Variants in TNR observed in about 807,000 individuals in gnomAD.
TNR encodes tenascin-R.
Under a neutral mutation model 150.4 loss-of-function variants are expected in TNR, and 45 were observed. The ratio of observed to expected loss-of-function variants is 0.30; its 90% CI spans 0.24 to 0.38. The LOEUF (loss-of-function observed/expected upper bound fraction) is 0.38. Among genes scored for constraint, TNR ranks in the 10% least tolerant of loss-of-function variants. The pLI is 1.00. For synonymous variants in TNR, 687 were observed against 678.4 expected (o/e 1.01, Z -0.20); for missense variants, 1,544 against 1,759.1 (o/e 0.88, Z 2.19).
At chr1:175,340,545 C>T (rs1650471508) in intron 18 of TNR, among the ~76,000 whole-genome samples, 1 of 152,228 alleles carries the variant, frequency 6.6e-6, no homozygotes, top group Non-Finnish European at 1.5e-5. Flanking sequence ...CAAGAGAAGG[C>T]AGAGGCTCAC....
Position 175,330,009 on chromosome 1 carries a change from C to T in TNR, c.3793+65G>A, listed in dbSNP as rs897146353. On this transcript the variant is annotated intron_variant, in intron 21 of 22. Coordinates refer to ENST00000367674, the MANE Select transcript of TNR (RefSeq NM_003285.3). ...TGCTGCTTCCTGAGGCAGCTTACGC[C>T]TAGAATCTGGGGGCTCTTGTCCCAT... 15 of 1,413,882 alleles carry T rather than the reference C, an allele frequency of 1.1e-5. No individual in the cohort carries two copies. The East Asian group carries it at 3.4e-4, about 32-fold the overall frequency. The allele number at this position is 1,413,882 out of a possible 1,614,324, so 87.6% of individuals were successfully genotyped here. A position where few individuals can be genotyped will look rare whatever the true frequency, so the allele number is the denominator to read the frequency against.
At position 175,315,730 on chromosome 1, in the gene TNR, G is replaced by A. The variant is rs1648815521; in HGVS notation, c.*7627C>T. ...TACTTGGGCATCCCCATGGGCCTGG[G>A]GAGTATTCGAGGTTGGAATCATTAG... is the stretch of plus-strand genomic sequence containing the variant. On this transcript the variant is annotated 3_prime_UTR_variant, in exon 23 of 23. Coordinates refer to ENST00000367674, the MANE Select transcript of TNR (RefSeq NM_003285.3). 1 of 152,196 alleles carries A rather than the reference G, an allele frequency of 6.6e-6. No individual in the cohort carries two copies. Among genetic ancestry groups the A allele is most frequent in the Admixed American group, 6.5e-5 (1 of 15,276 alleles). The allele number at this position is 152,196 out of a possible 1,614,324, so 9.4% of individuals were successfully genotyped here.
Position 175,474,056 on chromosome 1 carries a change from C to T in TNR, c.-64+54213G>A, listed in dbSNP as rs544653480. Among the ~76,000 whole-genome samples the T allele has an allele frequency of 5.3e-5, 8 of 152,124 alleles. No individual in the cohort carries two copies. The East Asian group carries it at 5.8e-4, about 11-fold the overall frequency. On this transcript the variant is annotated intron_variant, in intron 2 of 22. Coordinates refer to ENST00000367674, the MANE Select transcript of TNR (RefSeq NM_003285.3). ...TTTTTGCAAAGATCCATGTTACTGG[C>T]GGATATATTTCGATTTAATACATGT... is the stretch of plus-strand genomic sequence containing the variant.
chr1:175,326,683 G>T (rs1016320407), intron 21 of TNR, among the ~76,000 whole-genome samples: 1 of 151,644 alleles, frequency 6.6e-6, no homozygotes, highest in Non-Finnish European at 1.5e-5. Context: ...TTATTTTTTT[G>T]GTGTGAGACA....
intron 2 of TNR, among the ~76,000 whole-genome samples, chr1:175,480,386 GAAGAAAGA>G (rs200426775): frequency 8.8e-6 from 1 of 114,116 alleles, no homozygotes; most frequent in African/African-American, 3.6e-5. Flanking sequence ...AAAGGAAAGA[GAAGAAAGA>G]AAGAAAGAAA....
chr1:175,633,949 A>C (rs1485245327), intron 1 of TNR, among the ~76,000 whole-genome samples: 2 of 152,102 alleles, frequency 1.3e-5, no homozygotes, highest in African/African-American at 4.8e-5. Flanking sequence ...CAGTTACTAG[A>C]TGAGTAGACT....
chr1:175,378,279 C>T (rs1473447860), intron 9 of TNR, among the ~76,000 whole-genome samples: 3 of 151,280 alleles, frequency 2.0e-5, no homozygotes, highest in Non-Finnish European at 4.4e-5. Flanking sequence ...AATCCATGCC[C>T]AAGTCATAGT....
At chr1:175,575,982 C>T (rs1013803122) in intron 1 of TNR, among the ~76,000 whole-genome samples, 3 of 152,226 alleles carry the variant, frequency 2.0e-5, no homozygotes, top group African/African-American at 7.2e-5. Flanking sequence ...CGATTCGAGA[C>T]ATCCTCATTT....
chr1:175,672,578 T>C (rs1665735302), intron 1 of TNR, among the ~76,000 whole-genome samples: 1 of 152,236 alleles, frequency 6.6e-6, no homozygotes, highest in Non-Finnish European at 1.5e-5. Context: ...TCTGCAGGCC[T>C]TCTCAGTGAA....
At chr1:175,456,999 C>A (rs952027311) in intron 2 of TNR, among the ~76,000 whole-genome samples, 1 of 152,180 alleles carries the variant, frequency 6.6e-6, no homozygotes, top group Non-Finnish European at 1.5e-5. Flanking sequence ...TGGAATAATA[C>A]TTCTTCCATT....
intron 20 of TNR, among the ~76,000 whole-genome samples, chr1:175,332,583 A>C (rs1468306394): frequency 6.6e-6 from 1 of 152,156 alleles, no homozygotes; most frequent in Non-Finnish European, 1.5e-5. Context: ...CTACATCATC[A>C]AGTAAAGACT....
At position 175,404,182 on chromosome 1, in the gene TNR, A is replaced by G. The variant is rs139015653; in HGVS notation, c.500-566T>C. On this transcript the variant is annotated intron_variant, in intron 3 of 22. Transcript: ENST00000367674. Reference sequence around the variant, plus strand: ...AAGAAGTTTCCAACAAACTGAGGACAGCCTTCTCACCAGGATGCCCAGGTG... The same window carrying G: ...AAGAAGTTTCCAACAAACTGAGGACGGCCTTCTCACCAGGATGCCCAGGTG... Among the ~76,000 whole-genome samples, 428 of 152,274 alleles carry G rather than the reference A, an allele frequency of 2.8e-3. 4 individuals carry two copies. The highest frequency in any genetic ancestry group is 0.026 in the Admixed American group (392 of 15,296).
At chr1:175,629,663 A>G (rs1347853341) in intron 1 of TNR, among the ~76,000 whole-genome samples, 3 of 152,270 alleles carry the variant, frequency 2.0e-5, no homozygotes, top group African/African-American at 4.8e-5. Flanking sequence ...GCGGCCTCAG[A>G]GTCAGTACTG....
chr1:175,495,403 G>A (rs949369486), intron 2 of TNR, among the ~76,000 whole-genome samples: 7 of 152,166 alleles, frequency 4.6e-5, no homozygotes, highest in Admixed American at 1.3e-4. Context: ...AATGTTTGTT[G>A]AATGAATGAA....
intron 10 of TNR, 38 bp downstream of exon 10, chr1:175,367,170 C>T: frequency 2.5e-6 from 4 of 1,602,390 alleles, no homozygotes; most frequent in East Asian, 2.2e-5. Context: ...GGCTTATAGG[C>T]TAACCTGGTC....
chr1:175,633,901 T>C (rs1664413766), intron 1 of TNR, among the ~76,000 whole-genome samples: 2 of 152,090 alleles, frequency 1.3e-5, no homozygotes, highest in African/African-American at 2.4e-5. Flanking sequence ...GGCTGTGGGC[T>C]CAAGAGTCAG....
At chr1:175,623,480 C>T (rs929237884) in intron 1 of TNR, among the ~76,000 whole-genome samples, 5 of 152,236 alleles carry the variant, frequency 3.3e-5, no homozygotes, top group African/African-American at 4.8e-5. Flanking sequence ...TGTTTGCTCA[C>T]AGGACTATTG....
At chr1:175,736,700 G>C (rs989119909) in intron 1 of TNR, among the ~76,000 whole-genome samples, 1 of 151,960 alleles carries the variant, frequency 6.6e-6, no homozygotes, top group Non-Finnish European at 1.5e-5. Flanking sequence ...GGATGACTAA[G>C]ATACAAGCAG....
At chr1:175,441,083 T>C (rs1221436360) in intron 2 of TNR, among the ~76,000 whole-genome samples, 1 of 152,178 alleles carries the variant, frequency 6.6e-6, no homozygotes, top group Non-Finnish European at 1.5e-5. Context: ...CAGCTGAGTA[T>C]GAAGATGAGA....
Sources: allele counts gnomAD v4.1 joint callset (sites outside exome capture counted in the v4.1 genomes callset), GRCh38; gene constraint gnomAD v4.1.1; transcripts MANE v1.5; gene names NCBI Gene and HGNC (gene_info 2026-07-23, HGNC 2026-07-21).